Variants in DDX4 observed in about 807,000 individuals in gnomAD.
DDX4 encodes the protein DEAD-box helicase 4.
A neutral mutation model predicts 100.0 loss-of-function variants in DDX4; 25 were observed. That is an observed-to-expected ratio of 0.25 (90% CI 0.18 to 0.35). DDX4 has a LOEUF of 0.35. Among genes scored for constraint, DDX4 ranks in the 10% least tolerant of loss-of-function variants. The probability of loss-of-function intolerance (pLI) is 1.00; values close to 1 mark genes in which losing one functional copy is unlikely to be tolerated. For synonymous variants in DDX4, 259 were observed against 275.7 expected, an observed-to-expected ratio of 0.94 and a Z score of 0.60; for missense variants, 635 against 882.4, an observed-to-expected ratio of 0.72 and a Z score of 3.55.
chr5:55,740,672 A>ATTTTTTTT (rs11294945), intron 2 of DDX4, among the ~76,000 whole-genome samples: 1 of 113,630 alleles, frequency 8.8e-6, no homozygotes, highest in Non-Finnish European at 1.8e-5. Context: ...CGCCCCGCTA[A>ATTTTTTTT]TTTTTTTTTT....
At chr5:55,783,080 C>T (rs1320640169) in intron 10 of DDX4, among the ~76,000 whole-genome samples, 1 of 152,168 alleles carries the variant, frequency 6.6e-6, no homozygotes, top group African/African-American at 2.4e-5. Context: ...GCATGAGCCA[C>T]TGCGCCTGAC....
At position 55,740,508 on chromosome 5, in the gene DDX4, A is replaced by T. The variant is rs1758917140; in HGVS notation, c.69+1476A>T. ...GTTTTGATGATAGTATATAACAGTA[A>T]TTTTTTTTTTTTTTTGAGATGGAGT... On this transcript the variant is annotated intron_variant, in intron 2 of 21. Transcript: ENST00000505374. Among the ~76,000 whole-genome samples the T allele has an allele frequency of 3.8e-5, 5 of 132,836 alleles. No individual in the cohort carries two copies. The South Asian group carries it at 7.3e-4, about 20-fold the overall frequency. 87.1% of individuals were successfully genotyped at this position (132,836 alleles called of 152,430 possible).
intron 7 of DDX4, among the ~76,000 whole-genome samples, chr5:55,773,647 G>T (rs374008616): frequency 6.6e-6 from 1 of 151,576 alleles, no homozygotes; most frequent in Non-Finnish European, 1.5e-5. Flanking sequence ...ATTTTTTTGA[G>T]ACAGGGTCTT....
In DDX4 at chr5:55,781,122, A is replaced by G. The variant is rs1316600362; in HGVS notation, c.553A>G (p.Arg185Gly). 5.6e-6 allele frequency: 9 copies of G among 1,612,694 alleles called. No homozygotes were observed. Among genetic ancestry groups the G allele is most frequent in the Non-Finnish European group, 6.8e-6 (8 of 1,179,672 alleles). ...MQRTGGLFGS[R>G]RPVLSGTGNG... Reference sequence around the variant, plus strand: ...GCGCACTGGTGGCCTTTTTGGTTCTAGAAGACCAGTATTAAGTGGCACAGG... The same window carrying G: ...GCGCACTGGTGGCCTTTTTGGTTCTGGAAGACCAGTATTAAGTGGCACAGG... The change falls in exon 9 of 22, where the codon AGA (arginine) becomes GGA (glycine). Residue 185 changes from arginine (R) to glycine (G), a missense_variant. Physicochemically the swap from Arg to Gly is moderately radical, Grantham distance 125. This residue lies in a region of DDX4 where 446 missense variants were observed against 540.8 expected (regional missense o/e 0.82). Coordinates refer to ENST00000505374, the MANE Select transcript of DDX4 (RefSeq NM_024415.3).
intron 7 of DDX4, among the ~76,000 whole-genome samples, chr5:55,772,003 A>G (rs1741279689): frequency 1.3e-5 from 2 of 152,112 alleles, no homozygotes; most frequent in Admixed American, 6.6e-5. Flanking sequence ...CAGATCACTT[A>G]AGGTCAGGAG....
intron 3 of DDX4, among the ~76,000 whole-genome samples, chr5:55,753,141 T>C (rs1294014042): frequency 6.6e-6 from 1 of 152,166 alleles, no homozygotes; most frequent in African/African-American, 2.4e-5. Flanking sequence ...GGTTGCCTGT[T>C]CACTCTGATG....
chr5:55,740,027 C>T (rs563634225), intron 2 of DDX4, among the ~76,000 whole-genome samples: 1 of 152,248 alleles, frequency 6.6e-6, no homozygotes, highest in East Asian at 1.9e-4. Flanking sequence ...TGCACCTGGA[C>T]TGTGTTATCT....
At chr5:55,791,576 G>GA (rs1211598220) in intron 16 of DDX4, among the ~76,000 whole-genome samples, 3 of 152,142 alleles carry the variant, frequency 2.0e-5, no homozygotes, top group African/African-American at 7.2e-5. Context: ...AAAGAGGTTA[G>GA]AAAAAATTTT....
At chr5:55,801,130 A>G (rs543054972) in intron 18 of DDX4, among the ~76,000 whole-genome samples, 2 of 152,052 alleles carry the variant, frequency 1.3e-5, no homozygotes, top group South Asian at 4.2e-4. Context: ...CCCACAGCTC[A>G]CAGGCCACAT....
At chr5:55,781,763 T>G (rs1454045543) in intron 9 of DDX4, among the ~76,000 whole-genome samples, 171 bp from the exon 10 acceptor site, 1 of 141,148 alleles carries the variant, frequency 7.1e-6, no homozygotes, top group African/African-American at 2.7e-5. Flanking sequence ...GGTGATAGAG[T>G]GAGACTTGAA....
intron 2 of DDX4, among the ~76,000 whole-genome samples, chr5:55,745,396 A>G (rs1219116232): frequency 3.3e-5 from 5 of 152,030 alleles, no homozygotes; most frequent in Admixed American, 3.3e-4. Flanking sequence ...TACTTGTCAG[A>G]TTTTATAATG....
chr5:55,803,482 C>G (rs868176821), intron 18 of DDX4, among the ~76,000 whole-genome samples: 142 of 100,010 alleles, frequency 1.4e-3, no homozygotes, highest in African/African-American at 5.3e-3. Flanking sequence ...CCCCTCCCCC[C>G]ACCCCACAAC....
chr5:55,743,911 CT>C (rs35808138), intron 2 of DDX4, among the ~76,000 whole-genome samples: 12,736 of 113,260 alleles, frequency 0.11, 513 homozygotes, highest in African/African-American at 0.22. Context: ...TAAAACCAGC[CT>C]TTTTTTTTTT....
intron 7 of DDX4, among the ~76,000 whole-genome samples, chr5:55,769,113 G>GA (rs1741108745): frequency 6.6e-6 from 1 of 152,052 alleles, no homozygotes; most frequent in Admixed American, 6.6e-5. Context: ...GCAGAAGCTT[G>GA]TTCATTTAAT....
Position 55,793,977 on chromosome 5 carries a change from A to G in DDX4, c.1469+1170A>G, listed in dbSNP as rs531753876. Among the ~76,000 whole-genome samples, 15 of 152,246 alleles carry G rather than the reference A, an allele frequency of 9.9e-5. No individual in the cohort carries two copies. In the South Asian group the frequency reaches 3.1e-3, roughly 32 times the overall value. ...ATGTTACATGGGATCCTGTGCTAGT[A>G]TATCAAACATTCCCAAACCCTTGAA... On this transcript the variant is annotated intron_variant, in intron 17 of 21. Transcript: ENST00000505374.
At chr5:55,795,076 C>A (rs563689828) in intron 17 of DDX4, among the ~76,000 whole-genome samples, 1 of 152,032 alleles carries the variant, frequency 6.6e-6, no homozygotes, top group Admixed American at 6.6e-5. Flanking sequence ...AGCGACTCTC[C>A]TCCCTCAGCC....
intron 7 of DDX4, among the ~76,000 whole-genome samples, chr5:55,776,429 A>T (rs994166379): frequency 6.6e-6 from 1 of 152,226 alleles, no homozygotes; most frequent in Admixed American, 6.5e-5. Flanking sequence ...TTAGAGAGGC[A>T]CAAGAGTCCT....
chr5:55,793,295 T>G (rs1742708896), intron 17 of DDX4, among the ~76,000 whole-genome samples: 1 of 152,016 alleles, frequency 6.6e-6, no homozygotes, highest in Non-Finnish European at 1.5e-5. Flanking sequence ...ACTGGAATGG[T>G]GACTCTTTTT....
At chr5:55,794,517 G>A (rs1391157031) in intron 17 of DDX4, among the ~76,000 whole-genome samples, 1 of 151,934 alleles carries the variant, frequency 6.6e-6, no homozygotes, top group Admixed American at 6.6e-5. Context: ...GTATTTTCAG[G>A]TGGAAATGGG....
Sources: gnomAD v4.1 joint callset for allele counts (sites outside exome capture counted in the v4.1 genomes callset) on GRCh38, gnomAD v4.1.1 for gene constraint, gnomAD v4.1.1 regional missense constraint, MANE v1.5 for transcripts, NCBI Gene and HGNC (gene_info 2026-07-23, HGNC 2026-07-21) for gene names.